Variants in RPS6KA5 observed in about 807,000 individuals in gnomAD.
RPS6KA5 encodes ribosomal protein S6 kinase A5, also known as ribosomal protein S6 kinase alpha-5.
A neutral mutation model predicts 85.5 loss-of-function variants in RPS6KA5; 27 were observed. The ratio of observed to expected loss-of-function variants is 0.32; its 90% confidence interval spans 0.23 to 0.44. The LOEUF is 0.44. Among genes scored for constraint, RPS6KA5 ranks in the 20% least tolerant of loss-of-function variants. The probability of loss-of-function intolerance (pLI) is 1.00; values close to 1 mark genes in which losing one functional copy is unlikely to be tolerated. For synonymous variants in RPS6KA5, 334 were observed against 348.2 expected (o/e 0.96, Z 0.46); for missense variants, 811 against 980.9 (o/e 0.83, Z 2.31).
chr14:90,879,781 ATTTTTTTT>A (rs10609342), intron 14 of RPS6KA5, among the ~76,000 whole-genome samples: 1 of 128,970 alleles, frequency 7.8e-6, no homozygotes, highest in African/African-American at 3.0e-5. Flanking sequence ...TCCACTCCTA[ATTTTTTTT>A]TTTTTTTTTT....
At chr14:91,037,395 A>T (rs1167877157) in intron 1 of RPS6KA5, among the ~76,000 whole-genome samples, 2 of 152,206 alleles carry the variant, frequency 1.3e-5, no homozygotes, top group East Asian at 3.8e-4. Flanking sequence ...CCTAGCCCTA[A>T]TGGTATCACC....
At chr14:90,994,733 G>A (rs557665434) in intron 2 of RPS6KA5, among the ~76,000 whole-genome samples, 3 of 151,678 alleles carry the variant, frequency 2.0e-5, no homozygotes, top group South Asian at 4.2e-4. Context: ...CACCATGCCC[G>A]GCTAATTTTT....
chr14:90,923,170 T>G lies in RPS6KA5; in HGVS notation c.645A>C (p.Gly215=). Residue 215 remains glycine, a synonymous_variant, in exon 6 of 17, where the codon GGA becomes GGC. Coordinates refer to ENST00000614987, the MANE Select transcript of RPS6KA5 (RefSeq NM_004755.4). ...TATCTGGTGCCATGTATTCAATAGT[T>G]CCACAAAAGGAATATGCTCTTTCAG... ...DETERAYSFC[G]TIEYMAPDIV... The G allele has an allele frequency of 6.2e-7, 1 of 1,613,062 alleles. No individual in the cohort carries two copies. The highest frequency in any genetic ancestry group is 8.5e-7 in the Non-Finnish European group (1 of 1,179,382).
intron 2 of RPS6KA5, among the ~76,000 whole-genome samples, chr14:90,986,435 T>A (rs997091077): frequency 6.6e-6 from 1 of 150,722 alleles, no homozygotes; most frequent in South Asian, 2.1e-4. Context: ...TAAACATGAT[T>A]ACCAGAGCAT....
chr14:90,880,678 T>C (rs66645560), intron 14 of RPS6KA5, among the ~76,000 whole-genome samples: 22,133 of 152,116 alleles, frequency 0.15, 2,173 homozygotes, highest in African/African-American at 0.27. Flanking sequence ...TACAGGACTG[T>C]CTACTTCTCC....
chr14:90,906,946 G>A (rs1152431), intron 7 of RPS6KA5, among the ~76,000 whole-genome samples: 69,819 of 152,032 alleles, frequency 0.46, 16,801 homozygotes, highest in East Asian at 0.54. Flanking sequence ...TATGAGGCAG[G>A]TAGAGCTCAG....
At chr14:91,000,518 T>C (rs902637541) in intron 2 of RPS6KA5, among the ~76,000 whole-genome samples, 2 of 152,204 alleles carry the variant, frequency 1.3e-5, no homozygotes, top group African/African-American at 4.8e-5. Context: ...GTGTCCTGGC[T>C]GGGCGCAGTG....
rs1250511625 is a variant in RPS6KA5, at chr14:90,850,114, C to T, written c.*21960G>A. 1.3e-5 allele frequency: 2 copies of T among 152,214 alleles called. No homozygotes were observed. The highest frequency in any genetic ancestry group is 6.5e-5 in the Admixed American group (1 of 15,280). The allele number at this position is 152,214 out of a possible 1,614,324, so 9.4% of individuals were successfully genotyped here. ...CTTTTTTTCTAGTCTGGGAAGGGAT[C>T]TGTGGGCTTTCTACAAGGGAGCAAA... On this transcript the variant is annotated 3_prime_UTR_variant, in exon 17 of 17. Transcript: ENST00000614987.
At chr14:90,891,567 A>G (rs770072968) in intron 13 of RPS6KA5, among the ~76,000 whole-genome samples, 2 of 152,152 alleles carry the variant, frequency 1.3e-5, no homozygotes, top group African/African-American at 2.4e-5. Context: ...ATGCCTTTAT[A>G]GTCATTAAAT....
intron 3 of RPS6KA5, among the ~76,000 whole-genome samples, chr14:90,956,169 T>G (rs1000009092): frequency 4.0e-5 from 6 of 151,390 alleles, no homozygotes; most frequent in African/African-American, 1.5e-4. Flanking sequence ...ACATCTGAAG[T>G]TTTTTTTTAT....
intron 5 of RPS6KA5, among the ~76,000 whole-genome samples, chr14:90,939,482 A>G (rs533190981): frequency 6.6e-6 from 1 of 152,318 alleles, no homozygotes; most frequent in Admixed American, 6.5e-5. Flanking sequence ...TACTGCTGAT[A>G]AAGATATATC....
chr14:91,060,118 C>T lies in RPS6KA5; in HGVS notation c.103+214G>A, dbSNP rs2043582389. On this transcript the variant is annotated intron_variant, in intron 1 of 16. Coordinates refer to ENST00000614987, the MANE Select transcript of RPS6KA5 (RefSeq NM_004755.4). ...GATGCCTGGTGCCCGCCGCTCATTCCCGGGCTGGGGAAAACTTTCGGCCGC... is the reference window on the plus strand; with the variant it reads ...GATGCCTGGTGCCCGCCGCTCATTCTCGGGCTGGGGAAAACTTTCGGCCGC... The T allele has an allele frequency of 3.0e-6, 3 of 985,192 alleles. 1 individual carries two copies. In the Admixed American group the frequency reaches 1.8e-4, roughly 61 times the overall value. 61.0% of individuals were successfully genotyped at this position (985,192 alleles called of 1,614,324 possible).
In RPS6KA5 at chr14:91,050,050, G is replaced by A. The variant is rs534678367; in HGVS notation, c.103+10282C>T. On this transcript the variant is annotated intron_variant, in intron 1 of 16. Coordinates refer to ENST00000614987, the MANE Select transcript of RPS6KA5 (RefSeq NM_004755.4). Reference sequence around the variant, plus strand: ...TTACATATGTATAGTATAAAAAGGAGAGCTGCACTGTACTCATACATAACT... The same window carrying A: ...TTACATATGTATAGTATAAAAAGGAAAGCTGCACTGTACTCATACATAACT... Among the ~76,000 whole-genome samples, 7 of 152,278 alleles carry A rather than the reference G, an allele frequency of 4.6e-5. No homozygotes were observed. The East Asian group carries it at 1.4e-3, about 29-fold the overall frequency.
intron 4 of RPS6KA5, among the ~76,000 whole-genome samples, chr14:90,946,065 G>T (rs964797757): frequency 1.3e-5 from 2 of 152,002 alleles, no homozygotes; most frequent in African/African-American, 4.8e-5. Flanking sequence ...TAAACTAATT[G>T]CCCTAAATCA....
At chr14:90,923,373 G>T in intron 5 of RPS6KA5, 177 bp from the exon 6 acceptor site, 1 of 569,624 alleles carries the variant, frequency 1.8e-6, no homozygotes, top group East Asian at 2.9e-5. Flanking sequence ...TATGAGTCCT[G>T]GGTATATGTC....
At chr14:91,009,310 C>T (rs2041160868) in intron 1 of RPS6KA5, among the ~76,000 whole-genome samples, 1 of 152,210 alleles carries the variant, frequency 6.6e-6, no homozygotes, top group Non-Finnish European at 1.5e-5. Flanking sequence ...AGCTAGAAAA[C>T]ATCATCTATG....
intron 13 of RPS6KA5, chr14:90,893,983 G>C: frequency 2.3e-6 from 2 of 856,064 alleles, no homozygotes; most frequent in Non-Finnish European, 2.8e-6. Context: ...ATTTAGAATA[G>C]AATTATATAC....
chr14:90,848,527 G>T lies in RPS6KA5; in HGVS notation c.*23547C>A, dbSNP rs1157212861. The stretch of plus-strand genomic sequence containing the variant: ...ACCAAAAATATCATTCCCTCTGGGG[G>T]GAATTAATGCTAGATTAATGTGAAT... On this transcript the variant is annotated 3_prime_UTR_variant, in exon 17 of 17. Coordinates refer to ENST00000614987, the MANE Select transcript of RPS6KA5 (RefSeq NM_004755.4). The T allele has an allele frequency of 6.6e-6, 1 of 152,082 alleles. No homozygotes were observed. Among genetic ancestry groups the T allele is most frequent in the Non-Finnish European group, 1.5e-5 (1 of 68,016 alleles). 9.4% of individuals were successfully genotyped at this position (152,082 alleles called of 1,614,324 possible). A position where few individuals can be genotyped will look rare whatever the true frequency, so the allele number is the denominator to read the frequency against.
intron 5 of RPS6KA5, among the ~76,000 whole-genome samples, chr14:90,940,017 T>A (rs2037484408): frequency 6.6e-6 from 1 of 152,120 alleles, no homozygotes; most frequent in Non-Finnish European, 1.5e-5. Flanking sequence ...ACTTCCTAAA[T>A]AGGTGCTGGG....
Sources: allele counts gnomAD v4.1 joint callset (sites outside exome capture counted in the v4.1 genomes callset), GRCh38; gene constraint gnomAD v4.1.1; transcripts MANE v1.5; gene names NCBI Gene and HGNC (gene_info 2026-07-23, HGNC 2026-07-21).